NBAS: variants seen among roughly 807,000 people sequenced by gnomAD.
NBAS encodes NBAS subunit of NRZ tethering complex, also known as NAG/BC035112 fusion.
Under a neutral mutation model 302.5 loss-of-function variants are expected in NBAS, and 219 were observed. The ratio of observed to expected loss-of-function variants is 0.72; its 90% confidence interval spans 0.65 to 0.81. NBAS has a LOEUF of 0.81. Ranked by LOEUF, NBAS falls within the 30% of genes least tolerant of loss-of-function variation. The pLI is 0.00. For synonymous variants in NBAS, 1,118 were observed against 1,021.6 expected, an observed-to-expected ratio of 1.09 and a Z score of -1.80; for missense variants, 2,932 against 2,841.6, an observed-to-expected ratio of 1.03 and a Z score of -0.72.
At chr2:14,890,198 T>G in the NBAS span, among the ~76,000 whole-genome samples, 8 of 152,290 alleles carry the variant, frequency 5.3e-5, no homozygotes, top group African/African-American at 1.4e-4. Flanking sequence ...AAAGAAAAAT[T>G]TATCCTTTAT....
the NBAS span, among the ~76,000 whole-genome samples, chr2:14,915,179 C>T: frequency 2.8e-4 from 42 of 152,262 alleles, no homozygotes; most frequent in South Asian, 8.3e-3. Flanking sequence ...TTCTTTTCTG[C>T]TTTTTTAGAT....
intron 9 of NBAS, among the ~76,000 whole-genome samples, chr2:15,531,155 T>G (rs1037234034): frequency 6.6e-6 from 1 of 152,234 alleles, no homozygotes; most frequent in African/African-American, 2.4e-5. Context: ...ATTTCCCATG[T>G]ACTGTTTCTC....
In NBAS at chr2:15,292,703, A is replaced by G. The variant is rs939336881; in HGVS notation, c.4861T>C (p.Trp1621Arg). Reference protein sequence around the residue: ...RHVTRHEHEAWPEDLISLTKQ... With the variant: ...RHVTRHEHEARPEDLISLTKQ... ...GTCAGTGAAATAAGGTCTTCAGGCC[A>G]GGCTTCGTGCTCATGTCGAGTCACA... Residue 1621 changes from tryptophan to arginine, a missense_variant, in exon 41 of 52, where the codon TGG (tryptophan) becomes CGG (arginine). By Grantham distance (101) the Trp-to-Arg change is moderately radical. Coordinates refer to ENST00000281513, the MANE Select transcript of NBAS (RefSeq NM_015909.4). 4 of 1,614,126 alleles carry G rather than the reference A, an allele frequency of 2.5e-6. No individual in the cohort carries two copies. The African/African-American group carries it at 5.3e-5, about 22-fold the overall frequency.
At chr2:14,786,143 T>A in the NBAS span, among the ~76,000 whole-genome samples, 1 of 152,216 alleles carries the variant, frequency 6.6e-6, no homozygotes, top group Non-Finnish European at 1.5e-5. Context: ...TGGTAGTTTG[T>A]ATTTCTGTGG....
At chr2:14,907,182 G>A in the NBAS span, among the ~76,000 whole-genome samples, 2 of 152,206 alleles carry the variant, frequency 1.3e-5, no homozygotes, top group Admixed American at 1.3e-4. Flanking sequence ...AGAGAGTGGA[G>A]TCTCTAGTTG....
intron 32 of NBAS, among the ~76,000 whole-genome samples, chr2:15,357,625 A>G (rs1363854123): frequency 1.3e-5 from 2 of 152,122 alleles, no homozygotes; most frequent in African/African-American, 4.8e-5. Context: ...TCAGCCTCTC[A>G]TTTAAACATG....
rs1249008083 is a variant in NBAS, at chr2:15,403,921, T to TCC, written c.2938-1622_2938-1621dup. Among the ~76,000 whole-genome samples, 401 of 144,804 alleles carry TCC rather than the reference T, an allele frequency of 2.8e-3. 2 individuals are homozygous for TCC. Among genetic ancestry groups the TCC allele is most frequent in the Non-Finnish European group, 4.4e-3 (295 of 66,462 alleles). 95.0% of individuals were successfully genotyped at this position (144,804 alleles called of 152,430 possible). A position where few individuals can be genotyped will look rare whatever the true frequency, so the allele number is the denominator to read the frequency against. On this transcript the variant is annotated intron_variant, in intron 25 of 51. Transcript: ENST00000281513. ...TGTGTCTATACACTTTTTTTTTTTT[T>TCC]CCAGATACAAGGTCTCACTATGTTG... is the stretch of plus-strand genomic sequence containing the variant.
At chr2:15,295,539 T>C (rs1041855995) in intron 40 of NBAS, among the ~76,000 whole-genome samples, 33 of 152,268 alleles carry the variant, frequency 2.2e-4, no homozygotes, top group African/African-American at 7.5e-4. Context: ...ACAATATATA[T>C]AAAATATACA....
the NBAS span, among the ~76,000 whole-genome samples, chr2:14,893,436 ATTTC>A: frequency 6.6e-6 from 1 of 151,266 alleles, no homozygotes; most frequent in African/African-American, 2.4e-5. Flanking sequence ...TTTAAGATGG[ATTTC>A]TTTCTTTTTG....
chr2:14,879,807 G>T, the NBAS span, among the ~76,000 whole-genome samples: 1 of 152,198 alleles, frequency 6.6e-6, no homozygotes, highest in South Asian at 2.1e-4. Flanking sequence ...AGAGAATGGG[G>T]AGACAGACTT....
chr2:15,006,139 T>C, the NBAS span, among the ~76,000 whole-genome samples: 1 of 152,212 alleles, frequency 6.6e-6, no homozygotes, highest in Non-Finnish European at 1.5e-5. Context: ...TAATTTAAAT[T>C]AGCAGAGTTC....
chr2:15,352,601 C>G (rs1479058545), intron 34 of NBAS, among the ~76,000 whole-genome samples: 2 of 152,106 alleles, frequency 1.3e-5, no homozygotes, highest in Non-Finnish European at 2.9e-5. Flanking sequence ...TGATTCTTCC[C>G]TTGGGGTGGG....
At chr2:15,047,574 T>A in the NBAS span, among the ~76,000 whole-genome samples, 1 of 151,426 alleles carries the variant, frequency 6.6e-6, no homozygotes, top group African/African-American at 2.4e-5. Flanking sequence ...CCCGTGCAAG[T>A]GAAGGCTGGG....
chr2:14,841,208 G>A, the NBAS span, among the ~76,000 whole-genome samples: 1 of 151,718 alleles, frequency 6.6e-6, no homozygotes, highest in Non-Finnish European at 1.5e-5. Context: ...AAAATAAAAA[G>A]TGATAGATTA....
chr2:15,015,331 T>C, the NBAS span, among the ~76,000 whole-genome samples: 33 of 151,682 alleles, frequency 2.2e-4, no homozygotes, highest in African/African-American at 7.7e-4. Context: ...CACACACACA[T>C]GCACAAAAGA....
the NBAS span, among the ~76,000 whole-genome samples, chr2:15,072,592 C>T: frequency 6.6e-6 from 1 of 152,044 alleles, no homozygotes; most frequent in Non-Finnish European, 1.5e-5. Context: ...CCTATTTTAA[C>T]CTCGGTTTTG....
chr2:15,063,823 T>A, the NBAS span, among the ~76,000 whole-genome samples: 4 of 152,206 alleles, frequency 2.6e-5, no homozygotes, highest in Non-Finnish European at 5.9e-5. Flanking sequence ...ACTGCCTTGA[T>A]CTCCAACTTT....
At chr2:14,966,113 T>C in the NBAS span, among the ~76,000 whole-genome samples, 1 of 152,052 alleles carries the variant, frequency 6.6e-6, no homozygotes, top group African/African-American at 2.4e-5. Flanking sequence ...CCACAGCAGC[T>C]AGGAAGAGAC....
At chr2:15,213,984 T>G (rs1299629236) in intron 48 of NBAS, among the ~76,000 whole-genome samples, 1 of 152,202 alleles carries the variant, frequency 6.6e-6, no homozygotes, top group African/African-American at 2.4e-5. Context: ...GAAATCATTG[T>G]CAGCAAACTA....
Sources: allele counts gnomAD v4.1 joint callset (sites outside exome capture counted in the v4.1 genomes callset), GRCh38; gene constraint gnomAD v4.1.1; transcripts MANE v1.5; gene names NCBI Gene and HGNC (gene_info 2026-07-23, HGNC 2026-07-21).